TBC1D14: variants seen among roughly 807,000 people sequenced by gnomAD.
The protein encoded by TBC1D14 is TBC1 domain family, member 14.
TBC1D14 carries 26 observed loss-of-function variants against 79.0 expected under a neutral mutation model. The ratio of observed to expected loss-of-function variants is 0.33; its 90% CI spans 0.24 to 0.46. The LOEUF is 0.46. Ranked by LOEUF, TBC1D14 falls within the 20% of genes least tolerant of loss-of-function variation. The pLI, the probability that TBC1D14 is intolerant of heterozygous loss-of-function variation, is 1.00. For missense variants in TBC1D14, 769 were observed against 887.6 expected, an observed-to-expected ratio of 0.87 and a Z score of 1.70; for synonymous variants, 394 against 349.9, an observed-to-expected ratio of 1.13 and a Z score of -1.40.
intron 2 of TBC1D14, among the ~76,000 whole-genome samples, chr4:6,940,729 G>T (rs564432004): frequency 1.3e-5 from 2 of 152,298 alleles, no homozygotes; most frequent in Non-Finnish European, 2.9e-5. Flanking sequence ...TAGAGCCAAA[G>T]ATCTGAAAGT....
In TBC1D14 at chr4:7,001,120, A is replaced by G. The variant is rs201873737; in HGVS notation, c.1164-25A>G. 3.1e-6 allele frequency: 5 copies of G among 1,606,034 alleles called. No homozygotes were observed. In the Admixed American group the frequency reaches 5.0e-5, roughly 16 times the overall value. On this transcript the variant is annotated intron_variant, in intron 6 of 13. Transcript: ENST00000409757. ...AATGTCTTTGTGTGGAACAAACTCA[A>G]ACTCCTGCTTCTGTTTTTGTCCAGG...
At chr4:7,004,011 A>G (rs1719932991) in intron 7 of TBC1D14, among the ~76,000 whole-genome samples, 1 of 152,014 alleles carries the variant, frequency 6.6e-6, no homozygotes, top group Non-Finnish European at 1.5e-5. Context: ...CCATCTCGGA[A>G]AAAAAAAGAA....
intron 2 of TBC1D14, chr4:6,954,122 C>T (rs769298995): frequency 3.3e-6 from 2 of 599,926 alleles, no homozygotes; most frequent in African/African-American, 1.9e-5. Context: ...CTGCCGCCCC[C>T]GCCTTTCCGC....
chr4:6,979,792 A>C (rs928282413), intron 3 of TBC1D14, among the ~76,000 whole-genome samples: 1 of 152,248 alleles, frequency 6.6e-6, no homozygotes, highest in Admixed American at 6.5e-5. Context: ...AGGTCTATTA[A>C]TATTATAAAA....
rs775393905 is a variant in TBC1D14, at chr4:7,031,277, A to G, written c.*885A>G. Reference sequence around the variant, plus strand: ...GGAGGCCAGGGCAGCAGCCCAGAACAGCACATGTGGGGGAGGTGGCCCCTT... The same window carrying G: ...GGAGGCCAGGGCAGCAGCCCAGAACGGCACATGTGGGGGAGGTGGCCCCTT... On this transcript the variant is annotated 3_prime_UTR_variant, in exon 14 of 14. Transcript: ENST00000409757. 7.9e-5 allele frequency: 12 copies of G among 152,356 alleles called. No homozygotes were observed. The highest frequency in any genetic ancestry group is 1.6e-4 in the Non-Finnish European group (11 of 68,110). The allele number at this position is 152,356 out of a possible 1,614,324, so 9.4% of individuals were successfully genotyped here. A position where few individuals can be genotyped will look rare whatever the true frequency, so the allele number is the denominator to read the frequency against.
chr4:7,025,893 C>T lies in TBC1D14; in HGVS notation c.2016+631C>T, dbSNP rs576310635. Among the ~76,000 whole-genome samples the T allele has an allele frequency of 1.5e-3, 233 of 152,262 alleles. 1 individual carries two copies. Among genetic ancestry groups the T allele is most frequent in the African/African-American group, 5.4e-3 (223 of 41,550 alleles). On this transcript the variant is annotated intron_variant, in intron 13 of 13. Coordinates refer to ENST00000409757, the MANE Select transcript of TBC1D14 (RefSeq NM_020773.3). ...TGGGATTGACCTGCATTTCCTGTTCCGAGTCTTTGTCATACTAAAAAGGAA... is the reference window on the plus strand; with the variant it reads ...TGGGATTGACCTGCATTTCCTGTTCTGAGTCTTTGTCATACTAAAAAGGAA...
chr4:6,982,154 A>T (rs1163720657), intron 3 of TBC1D14, among the ~76,000 whole-genome samples: 4 of 152,208 alleles, frequency 2.6e-5, no homozygotes, highest in Non-Finnish European at 5.9e-5. Context: ...ATGAAAACTT[A>T]TGTTTGCACA....
chr4:6,916,129 GA>G (rs5855936), intron 1 of TBC1D14, among the ~76,000 whole-genome samples: 12 of 139,532 alleles, frequency 8.6e-5, no homozygotes, highest in East Asian at 2.1e-4. Context: ...TCCATCTCAG[GA>G]AAAAAAAAAA....
At chr4:7,000,897 G>C (rs998763619) in intron 6 of TBC1D14, among the ~76,000 whole-genome samples, 1 of 152,212 alleles carries the variant, frequency 6.6e-6, no homozygotes, top group Non-Finnish European at 1.5e-5. Flanking sequence ...CCCAGAGCGT[G>C]CCTGGGCCTC....
At chr4:6,987,217 C>T (rs956217686) in intron 3 of TBC1D14, 10 of 1,241,558 alleles carry the variant, frequency 8.1e-6, no homozygotes, top group African/African-American at 1.6e-5. Context: ...CCGCCCCGCC[C>T]CGCCCCGCGA....
At chr4:7,013,135 C>T (rs1455308813) in intron 11 of TBC1D14, among the ~76,000 whole-genome samples, 1 of 152,174 alleles carries the variant, frequency 6.6e-6, no homozygotes, top group Non-Finnish European at 1.5e-5. Flanking sequence ...TGAGTGGGGT[C>T]TTCATGACAG....
At chr4:6,937,812 C>T (rs1712485591) in intron 2 of TBC1D14, among the ~76,000 whole-genome samples, 1 of 152,036 alleles carries the variant, frequency 6.6e-6, no homozygotes, top group South Asian at 2.1e-4. Context: ...ATTAGAGAAG[C>T]AGGATGGAGA....
At chr4:6,961,246 C>A (rs6855531) in intron 2 of TBC1D14, among the ~76,000 whole-genome samples, 3 of 152,114 alleles carry the variant, frequency 2.0e-5, no homozygotes, top group South Asian at 2.1e-4. Context: ...TGGCCTGATC[C>A]CTGACGGCCC....
At chr4:7,017,594 G>T (rs1047286152) in intron 12 of TBC1D14, among the ~76,000 whole-genome samples, 11 of 152,168 alleles carry the variant, frequency 7.2e-5, no homozygotes, top group African/African-American at 2.7e-4. Flanking sequence ...AAGTGGCAAG[G>T]GTTCTTCACT....
chr4:7,025,071 C>G lies in TBC1D14; in HGVS notation c.1825C>G (p.Arg609Gly), dbSNP rs955579255. 6.2e-7 allele frequency: 1 copy of G among 1,614,188 alleles called. No homozygotes were observed. Among genetic ancestry groups the G allele is most frequent in the Middle Eastern group, 1.6e-4 (1 of 6,062 alleles). ...CTGTCGTATCTGGGACGTGTTCTGT[C>G]GCGATGGGGAAGAGTTCCTGTTCCG... The part of the protein sequence containing the change: ...LACRIWDVFC[R>G]DGEEFLFRTA... The change falls in exon 13 of 14, where the codon CGC (arginine) becomes GGC (glycine). Residue 609 changes from arginine (R) to glycine (G), a missense_variant. Physicochemically the swap from Arg to Gly is moderately radical, Grantham distance 125 (BLOSUM62 -2). Transcript: ENST00000409757.
intron 2 of TBC1D14, among the ~76,000 whole-genome samples, chr4:6,939,044 C>G (rs547645706): frequency 6.6e-6 from 1 of 152,308 alleles, no homozygotes; most frequent in Non-Finnish European, 1.5e-5. Flanking sequence ...TAGTGAAACC[C>G]TCTCCGGCTC....
Position 6,910,311 on chromosome 4 carries a change from C to G in TBC1D14, c.-18+360C>G, listed in dbSNP as rs912019049. ...AGAAGAGGCGCCTCGGTGCGCCAGA[C>G]CCCGACCCCGGAGCCCCCTTCCACC... On this transcript the variant is annotated intron_variant, in intron 1 of 13. Coordinates refer to ENST00000409757, the MANE Select transcript of TBC1D14 (RefSeq NM_020773.3). The G allele has an allele frequency of 3.3e-5, 5 of 152,538 alleles. No individual in the cohort carries two copies. In the East Asian group the frequency reaches 9.7e-4, roughly 29 times the overall value. 9.4% of individuals were successfully genotyped at this position (152,538 alleles called of 1,614,324 possible).
chr4:6,971,394 G>A (rs906735396), intron 3 of TBC1D14, among the ~76,000 whole-genome samples: 1 of 152,236 alleles, frequency 6.6e-6, no homozygotes, highest in African/African-American at 2.4e-5. Context: ...GATCCCATAT[G>A]TGGTTTGCCC....
intron 2 of TBC1D14, among the ~76,000 whole-genome samples, chr4:6,960,081 C>CTTTTTT: frequency 7.6e-6 from 1 of 131,310 alleles, no homozygotes; most frequent in Non-Finnish European, 1.6e-5. Context: ...CCCTGTGCCC[C>CTTTTTT]TTTTTTTTTT....
Sources: allele counts gnomAD v4.1 joint callset (sites outside exome capture counted in the v4.1 genomes callset), GRCh38; gene constraint gnomAD v4.1.1; transcripts MANE v1.5; gene names NCBI Gene and HGNC (gene_info 2026-07-23, HGNC 2026-07-21).